Variants in GRM5 observed in about 807,000 individuals in gnomAD.
The protein encoded by GRM5 is glutamate metabotropic receptor 5.
GRM5 carries 19 observed loss-of-function variants against 83.1 expected under a neutral mutation model. The ratio of observed to expected loss-of-function variants is 0.23; its 90% CI spans 0.16 to 0.34. The LOEUF (loss-of-function observed/expected upper bound fraction) is 0.34, where lower values mean the gene tolerates loss of function less well. Ranked by LOEUF, GRM5 falls within the 10% of genes least tolerant of loss-of-function variation. The probability of loss-of-function intolerance (pLI) is 1.00; values close to 1 mark genes in which losing one functional copy is unlikely to be tolerated. For missense variants in GRM5, 1,160 were observed against 1,588.3 expected, an observed-to-expected ratio of 0.73 and a Z score of 4.58; for synonymous variants, 675 against 633.6, an observed-to-expected ratio of 1.07 and a Z score of -0.98.
chr11:88,827,084 G>A (rs1260159664), intron 3 of GRM5, among the ~76,000 whole-genome samples: 1 of 152,104 alleles, frequency 6.6e-6, no homozygotes, highest in Non-Finnish European at 1.5e-5. Flanking sequence ...TAAGCAATTT[G>A]TACAAATGAC....
chr11:88,782,036 T>G (rs115186808), intron 3 of GRM5, among the ~76,000 whole-genome samples: 1,567 of 152,208 alleles, frequency 0.01, 27 homozygotes, highest in African/African-American at 0.036. Flanking sequence ...AATTATAATT[T>G]TTATTATAAT....
chr11:88,769,791 C>G (rs1040887792), intron 3 of GRM5, among the ~76,000 whole-genome samples: 1 of 151,958 alleles, frequency 6.6e-6, no homozygotes. Context: ...GGACAATAAT[C>G]AACGATGCAA....
At chr11:88,929,171 T>C (rs2135643659) in intron 2 of GRM5, among the ~76,000 whole-genome samples, 1 of 152,196 alleles carries the variant, frequency 6.6e-6, no homozygotes, top group South Asian at 2.1e-4. Flanking sequence ...GGTCCTTGGT[T>C]CTGGCTTATT....
At chr11:88,716,439 T>A (rs964266426) in intron 3 of GRM5, among the ~76,000 whole-genome samples, 2 of 151,826 alleles carry the variant, frequency 1.3e-5, no homozygotes, top group Non-Finnish European at 2.9e-5. Context: ...GAAAGGAGAT[T>A]GAATTGGCCC....
intron 3 of GRM5, among the ~76,000 whole-genome samples, chr11:88,701,081 AGGGAATG>A (rs1941022258): frequency 6.6e-6 from 1 of 152,222 alleles, no homozygotes; most frequent in African/African-American, 2.4e-5. Context: ...CTTCCCAAGG[AGGGAATG>A]CTTCCAGCAA....
At chr11:88,713,800 A>T (rs1443476631) in intron 3 of GRM5, among the ~76,000 whole-genome samples, 3 of 152,038 alleles carry the variant, frequency 2.0e-5, no homozygotes, top group East Asian at 1.9e-4. Flanking sequence ...GGCCTAAATG[A>T]TTAAAATGCT....
intron 2 of GRM5, among the ~76,000 whole-genome samples, chr11:89,032,520 T>C (rs1941284625): frequency 6.6e-6 from 1 of 152,056 alleles, no homozygotes; most frequent in East Asian, 1.9e-4. Flanking sequence ...TTAAATTTCC[T>C]AGACCTGAGT....
chr11:88,629,831 G>A (rs1334007142), intron 4 of GRM5, among the ~76,000 whole-genome samples: 1 of 149,938 alleles, frequency 6.7e-6, no homozygotes, highest in Non-Finnish European at 1.5e-5. Context: ...TTCAAGTCCT[G>A]TCTTTGTCTA....
intron 3 of GRM5, among the ~76,000 whole-genome samples, chr11:88,671,937 C>T (rs59512537): frequency 0.013 from 1,916 of 151,974 alleles, 42 homozygotes; most frequent in African/African-American, 0.045. Flanking sequence ...CATTATAATG[C>T]GTTAAAATAT....
intron 3 of GRM5, among the ~76,000 whole-genome samples, chr11:88,686,253 G>C (rs1482941704): frequency 1.3e-5 from 2 of 152,192 alleles, no homozygotes; most frequent in African/African-American, 4.8e-5. Flanking sequence ...TGCCCTGCTG[G>C]ATTTTGGAGT....
chr11:88,650,724 A>G (rs1179882283), intron 4 of GRM5, among the ~76,000 whole-genome samples: 3 of 152,150 alleles, frequency 2.0e-5, no homozygotes, highest in South Asian at 2.1e-4. Flanking sequence ...TCTTTGAACT[A>G]TATATTGACT....
intron 3 of GRM5, among the ~76,000 whole-genome samples, chr11:88,799,515 T>G (rs1943348891): frequency 6.6e-6 from 1 of 152,158 alleles, no homozygotes; most frequent in African/African-American, 2.4e-5. Context: ...TGTTTTATTA[T>G]GAGTGCAGTG....
At chr11:88,597,382 G>A (rs900711194) in intron 5 of GRM5, 30 bp from the exon 6 acceptor site, 14 of 1,201,178 alleles carry the variant, frequency 1.2e-5, no homozygotes, top group Non-Finnish European at 1.7e-5. Context: ...TAATTATGCA[G>A]CTTAAGATGT....
At chr11:88,758,073 C>G (rs1194011402) in intron 3 of GRM5, among the ~76,000 whole-genome samples, 1 of 152,064 alleles carries the variant, frequency 6.6e-6, no homozygotes, top group Non-Finnish European at 1.5e-5. Context: ...ATAAAAATAA[C>G]AAAAACCAAT....
chr11:88,508,749 A>G lies in GRM5; in HGVS notation c.3482T>C (p.Val1161Ala). 2 of 1,559,434 alleles carry G rather than the reference A, an allele frequency of 1.3e-6. No individual in the cohort carries two copies. The highest frequency in any genetic ancestry group is 1.7e-6 in the Non-Finnish European group (2 of 1,155,932). ...GAAGGGGGACGGCGGGGTGAGAGCCACCAGCTCCTCCAGGTCTGGCTTGGC... is the reference window on the plus strand; with the variant it reads ...GAAGGGGGACGGCGGGGTGAGAGCCGCCAGCTCCTCCAGGTCTGGCTTGGC... ...AAAKPDLEEL[V>A]ALTPPSPFRD... Residue 1161 changes from valine (V) to alanine (A), a missense_variant, in exon 10 of 10, where the codon GTG becomes GCG. By Grantham distance (64) the Val-to-Ala change is moderately conservative (BLOSUM62 0). Coordinates refer to ENST00000305447, the MANE Select transcript of GRM5 (RefSeq NM_001143831.3). The surrounding 1 kb of genome is among the most constrained non-coding windows in gnomAD (Gnocchi z 4.2).
intron 2 of GRM5, among the ~76,000 whole-genome samples, chr11:88,993,196 G>A (rs1227289829): frequency 6.8e-6 from 1 of 146,440 alleles, no homozygotes; most frequent in Admixed American, 7.0e-5. Context: ...AGTCCAGGAG[G>A]CAGAGCTTGC....
intron 2 of GRM5, among the ~76,000 whole-genome samples, chr11:88,926,843 G>A (rs530089481): frequency 5.9e-4 from 89 of 152,102 alleles, no homozygotes; most frequent in Admixed American, 1.0e-3. Flanking sequence ...TACATCTATG[G>A]GAGCTACTCA....
rs1342919035 is a variant in GRM5, at chr11:88,567,150, T to C, written c.2533A>G (p.Met845Val). The C allele has an allele frequency of 1.2e-6, 2 of 1,614,034 alleles. No homozygotes were observed. The highest frequency in any genetic ancestry group is 8.5e-7 in the Non-Finnish European group (1 of 1,179,888). Residue 845 changes from methionine (M) to valine (V), a missense_variant, in exon 8 of 10, where the codon ATG becomes GTG. By Grantham distance (21) the Met-to-Val change is conservative. Transcript: ENST00000305447. The surrounding 1 kb of genome is among the most constrained non-coding windows in gnomAD (Gnocchi z 7.3). ...SAFTTSTVVR[M>V]HVGDGKSSSA... ...GATGACTTGCCATCCCCTACATGCA[T>C]GCGCACCACGGTAGATGTGGTGAAG...
At chr11:88,889,780 C>G (rs1266427964) in intron 2 of GRM5, among the ~76,000 whole-genome samples, 1 of 152,068 alleles carries the variant, frequency 6.6e-6, no homozygotes, top group East Asian at 1.9e-4. Flanking sequence ...GTGAGAGGCC[C>G]TAAGATAACT....
Sources: allele counts gnomAD v4.1 joint callset (sites outside exome capture counted in the v4.1 genomes callset), GRCh38; gene constraint gnomAD v4.1.1; non-coding constraint Gnocchi (gnomAD v3.1); transcripts MANE v1.5; gene names NCBI Gene and HGNC (gene_info 2026-07-23, HGNC 2026-07-21).